GCNT1: variants seen among roughly 807,000 people sequenced by gnomAD.
The protein encoded by GCNT1 is beta-1,3-galactosyl-O-glycosyl-glycoprotein beta-1,6-N-acetylglucosaminyltransferase.
A neutral mutation model predicts 26.2 loss-of-function variants in GCNT1; 16 were observed. That is an observed-to-expected ratio of 0.61 (90% CI 0.41 to 0.93). The LOEUF is 0.93. Ranked by LOEUF, GCNT1 falls within the 40% of genes least tolerant of loss-of-function variation. The pLI, the probability that GCNT1 is intolerant of heterozygous loss-of-function variation, is 0.00. For missense variants in GCNT1, 477 were observed against 526.7 expected (o/e 0.91, Z 0.92); for synonymous variants, 183 against 190.8 (o/e 0.96, Z 0.34).
intron 1 of GCNT1, chr9:76,420,677 T>A (rs1280913751): frequency 6.6e-6 from 1 of 151,960 alleles, no homozygotes; most frequent in Admixed American, 6.6e-5. Flanking sequence ...CTCACACCTG[T>A]AATCCCAGCA....
the GCNT1 span, chr9:76,394,205 G>A: frequency 5.1e-6 from 8 of 1,555,476 alleles, no homozygotes; most frequent in Middle Eastern, 3.5e-4. Context: ...GCTGCGGCCC[G>A]GTCTGCGCGT....
At chr9:76,455,529 T>C (rs1193499942), upstream of GCNT1, among the ~76,000 whole-genome samples, 1 of 152,172 alleles carries the variant, frequency 6.6e-6, no homozygotes, top group African/African-American at 2.4e-5. Flanking sequence ...GGAGAGGATG[T>C]TCACTGGTCT....
chr9:76,493,513 A>G lies in GCNT1; in HGVS notation c.-289-7403A>G, dbSNP rs562289059. ...GGTCTGCCTTGATCTGCTTTAAGTC[A>G]GAGAGGGAGAAGGGGACATGTACCT... is the stretch of plus-strand genomic sequence containing the variant. On this transcript the variant is annotated intron_variant, in intron 2 of 3. Transcript: ENST00000376730. 3.0e-4 allele frequency among the ~76,000 whole-genome samples: 46 copies of G among 152,338 alleles called. 1 individual carries two copies. Among genetic ancestry groups the G allele is most frequent in the Admixed American group, 5.9e-4 (9 of 15,298 alleles).
chr9:76,443,918 GAAGAAAGGAAGA>G (rs1273949639), intron 1 of GCNT1, among the ~76,000 whole-genome samples: 100 of 59,136 alleles, frequency 1.7e-3, no homozygotes, highest in African/African-American at 5.8e-3. Flanking sequence ...AGGAAGAAAG[GAAGAAAGGAAGA>G]AAGGAAGGAA....
rs1032452530 is a variant in GCNT1, at chr9:76,504,920, T to TG, written c.*1252_*1253insG. ...ACTTTGGGTTTGGGACAGATTTTTT[T>TG]TTTTGTTTTTGGTATCATTCACAGC... On this transcript the variant is annotated 3_prime_UTR_variant, in exon 4 of 4. Coordinates refer to ENST00000376730, the MANE Select transcript of GCNT1 (RefSeq NM_001490.5). The TG allele has an allele frequency of 4.0e-4, 167 of 413,344 alleles. 2 individuals carry two copies. The highest frequency in any genetic ancestry group is 3.4e-3 in the East Asian group (95 of 28,074). The allele number at this position is 413,344 out of a possible 1,614,324, so 25.6% of individuals were successfully genotyped here.
At chr9:76,493,645 G>A (rs1197389032) in intron 2 of GCNT1, among the ~76,000 whole-genome samples, 6 of 152,088 alleles carry the variant, frequency 3.9e-5, no homozygotes, top group South Asian at 2.1e-4. Flanking sequence ...CCTTCTGGGC[G>A]GGGGAGATTA....
chr9:76,500,030 TA>T (rs1181752050), intron 2 of GCNT1, among the ~76,000 whole-genome samples: 1 of 152,214 alleles, frequency 6.6e-6, no homozygotes. Context: ...TTCAAGTATT[TA>T]TTAAATCCAA....
At chr9:76,398,787 T>G in the GCNT1 span, 29 of 1,277,518 alleles carry the variant, frequency 2.3e-5, no homozygotes, top group Non-Finnish European at 2.9e-5. Flanking sequence ...GGCACCAATC[T>G]TGACTTCCAG....
chr9:76,413,904 T>A, the GCNT1 span, among the ~76,000 whole-genome samples: 1 of 152,186 alleles, frequency 6.6e-6, no homozygotes, highest in Non-Finnish European at 1.5e-5. Context: ...GTCTTTTTTG[T>A]TTCTCTTTGC....
At chr9:76,399,284 G>T in the GCNT1 span, 1 of 1,419,104 alleles carries the variant, frequency 7.0e-7, no homozygotes, top group Non-Finnish European at 9.8e-7. Context: ...CCACCCGTGG[G>T]AGGTCATGCC....
At chr9:76,489,893 G>A (rs958898186) in intron 2 of GCNT1, among the ~76,000 whole-genome samples, 3 of 152,170 alleles carry the variant, frequency 2.0e-5, no homozygotes, top group Non-Finnish European at 2.9e-5. Context: ...AAGGCCAGTG[G>A]GTCAGTCCAG....
intron 2 of GCNT1, among the ~76,000 whole-genome samples, chr9:76,499,053 T>TTA (rs1263702014): frequency 6.6e-6 from 1 of 151,724 alleles, no homozygotes; most frequent in African/African-American, 2.4e-5. Context: ...AGTGATAATT[T>TTA]TTTTTTTAAT....
At chr9:76,437,147 AAAAG>A (rs1339601606), upstream of GCNT1, among the ~76,000 whole-genome samples, 4 of 152,070 alleles carry the variant, frequency 2.6e-5, no homozygotes, top group Non-Finnish European at 5.9e-5. Context: ...TATGGGGAAA[AAAAG>A]AGAGAGAGAG....
chr9:76,424,495 A>G (rs1216106639), intron 1 of GCNT1, among the ~76,000 whole-genome samples: 1 of 152,266 alleles, frequency 6.6e-6, no homozygotes, highest in Non-Finnish European at 1.5e-5. Context: ...TAGCACAGCA[A>G]TTAATGTGGA....
At chr9:76,401,054 T>C in the GCNT1 span, among the ~76,000 whole-genome samples, 1 of 152,222 alleles carries the variant, frequency 6.6e-6, no homozygotes, top group Non-Finnish European at 1.5e-5. Context: ...CAGTGTGTAA[T>C]GTGTAGTAAG....
intron 1 of GCNT1, among the ~76,000 whole-genome samples, chr9:76,443,906 A>G (rs1404636924): frequency 3.9e-5 from 3 of 76,352 alleles, no homozygotes; most frequent in South Asian, 4.1e-4. Flanking sequence ...AGAAAGGAAG[A>G]AAGGAAGAAA....
At chr9:76,447,155 A>C (rs77838740) in intron 1 of GCNT1, among the ~76,000 whole-genome samples, 1 of 124,088 alleles carries the variant, frequency 8.1e-6, no homozygotes, top group Non-Finnish European at 1.7e-5. Flanking sequence ...CTGTGTCAAA[A>C]AAAAAAAAAA....
At chr9:76,450,237 T>C (rs916306881) in intron 1 of GCNT1, among the ~76,000 whole-genome samples, 2 of 152,240 alleles carry the variant, frequency 1.3e-5, no homozygotes, top group Middle Eastern at 3.2e-3. Flanking sequence ...AAATCTGTGC[T>C]TTTTGACTTT....
chr9:76,505,135 A>G lies in GCNT1; in HGVS notation c.*1467A>G. The stretch of plus-strand genomic sequence containing the variant: ...GTCATTTAGCATTAGACTTTAAACA[A>G]GAATTAAAATCATGTGCTGTATTTT... On this transcript the variant is annotated 3_prime_UTR_variant, in exon 4 of 4. Coordinates refer to ENST00000376730, the MANE Select transcript of GCNT1 (RefSeq NM_001490.5). The G allele has an allele frequency of 4.9e-6, 2 of 409,468 alleles. No homozygotes were observed. Among genetic ancestry groups the G allele is most frequent in the Non-Finnish European group, 8.9e-6 (2 of 224,118 alleles). 25.4% of individuals were successfully genotyped at this position (409,468 alleles called of 1,614,324 possible). A position where few individuals can be genotyped will look rare whatever the true frequency, so the allele number is the denominator to read the frequency against.
Sources: allele counts gnomAD v4.1 joint callset (sites outside exome capture counted in the v4.1 genomes callset), GRCh38; gene constraint gnomAD v4.1.1; transcripts MANE v1.5; gene names NCBI Gene and HGNC (gene_info 2026-07-23, HGNC 2026-07-21).